The following UMAD1 variants were observed in gnomAD, a reference collection of about 807,000 sequenced individuals.
UMAD1 encodes the protein UBAP1-MVB12-associated (UMA) domain containing 1.
A neutral mutation model predicts 6.1 loss-of-function variants in UMAD1; 8 were observed. That is an observed-to-expected ratio of 1.30 (90% CI 0.76 to 2.35). UMAD1 has a LOEUF of 2.35. Among genes scored for constraint, UMAD1 ranks in the 30% most tolerant of loss-of-function variants. The pLI, the probability that UMAD1 is intolerant of heterozygous loss-of-function variation, is 0.00. For synonymous variants in UMAD1, 56 were observed against 31.4 expected, an observed-to-expected ratio of 1.78 and a Z score of -2.61; for missense variants, 130 against 78.4, an observed-to-expected ratio of 1.66 and a Z score of -2.49.
intron 2 of UMAD1, among the ~76,000 whole-genome samples, chr7:7,783,194 T>C (rs1583821700): frequency 6.6e-6 from 1 of 152,358 alleles, no homozygotes; most frequent in South Asian, 2.1e-4. Context: ...ACCCATCTTG[T>C]CTAAGTTTGT....
chr7:7,645,330 TTC>T (rs1298536853), intron 1 of UMAD1, among the ~76,000 whole-genome samples: 1 of 152,222 alleles, frequency 6.6e-6, no homozygotes, highest in Non-Finnish European at 1.5e-5. Context: ...CAAACGCTTA[TTC>T]TCACATGTGA....
At chr7:7,643,426 C>G (rs1785019822) in intron 1 of UMAD1, among the ~76,000 whole-genome samples, 1 of 152,158 alleles carries the variant, frequency 6.6e-6, no homozygotes, top group South Asian at 2.1e-4. Context: ...GTCCTAGGAT[C>G]AGGGCCGGGC....
intron 2 of UMAD1, among the ~76,000 whole-genome samples, chr7:7,675,400 C>T (rs1307741924): frequency 6.6e-6 from 1 of 152,146 alleles, no homozygotes; most frequent in Non-Finnish European, 1.5e-5. Context: ...AAGATCTCCT[C>T]CAATTTCTGG....
chr7:7,865,101 G>C lies in UMAD1; in HGVS notation c.157-12180G>C, dbSNP rs191295897. On this transcript the variant is annotated intron_variant, in intron 3 of 3. Transcript: ENST00000682710. Reference sequence around the variant, plus strand: ...GGGTATCCTCTGTAATAAGCCAATAGTGTGAAGAAAATTGTTTTTCTGGGT... The same window carrying C: ...GGGTATCCTCTGTAATAAGCCAATACTGTGAAGAAAATTGTTTTTCTGGGT... Among the ~76,000 whole-genome samples, 170 of 152,302 alleles carry C rather than the reference G, an allele frequency of 1.1e-3. 3 individuals are homozygous for C. Among genetic ancestry groups the C allele is most frequent in the Non-Finnish European group, 1.8e-4 (12 of 68,024 alleles).
At chr7:7,647,630 C>A (rs1785125794) in intron 1 of UMAD1, among the ~76,000 whole-genome samples, 1 of 152,154 alleles carries the variant, frequency 6.6e-6, no homozygotes, top group African/African-American at 2.4e-5. Context: ...CTTTAAGAGA[C>A]AGGGTCTTCC....
chr7:7,678,409 T>TA, intron 2 of UMAD1, among the ~76,000 whole-genome samples: 1 of 145,126 alleles, frequency 6.9e-6, no homozygotes, highest in Non-Finnish European at 1.5e-5. Context: ...TTCAGATATA[T>TA]AAAAAAATAT....
At position 7,852,473 on chromosome 7, in the gene UMAD1, C is replaced by T. The variant is rs112175210; in HGVS notation, c.157-24808C>T. ...CAGTCACAAGTCCAGGCCCCTGGAT[C>T]TTCTGACAGACCAGCTTTAAGTTGG... On this transcript the variant is annotated intron_variant, in intron 3 of 3. Transcript: ENST00000682710. Among the ~76,000 whole-genome samples, 7 of 152,304 alleles carry T rather than the reference C, an allele frequency of 4.6e-5. 1 individual carries two copies. Among genetic ancestry groups the T allele is most frequent in the African/African-American group, 1.7e-4 (7 of 41,568 alleles).
At chr7:7,739,394 C>T (rs929193472) in intron 2 of UMAD1, among the ~76,000 whole-genome samples, 12 of 152,182 alleles carry the variant, frequency 7.9e-5, no homozygotes, top group African/African-American at 2.9e-4. Context: ...AACACCTGCT[C>T]TTTTCATGGT....
intron 2 of UMAD1, among the ~76,000 whole-genome samples, chr7:7,796,396 C>T (rs1029806134): frequency 2.1e-4 from 32 of 151,604 alleles, no homozygotes; most frequent in African/African-American, 7.5e-4. Flanking sequence ...GGATTACAGG[C>T]GTGCCCTACC....
chr7:7,784,243 G>A (rs1782410096), intron 2 of UMAD1, among the ~76,000 whole-genome samples: 1 of 151,748 alleles, frequency 6.6e-6, no homozygotes. Flanking sequence ...TAAAGTTATT[G>A]GAAAGAGCTT....
intron 3 of UMAD1, among the ~76,000 whole-genome samples, chr7:7,860,639 G>A (rs1784098184): frequency 6.8e-6 from 1 of 147,894 alleles, no homozygotes; most frequent in Admixed American, 6.9e-5. Context: ...AGCAGGCATG[G>A]TGGCGGGCAC....
intron 3 of UMAD1, among the ~76,000 whole-genome samples, chr7:7,842,619 A>T (rs11981244): frequency 0.085 from 12,485 of 146,866 alleles, 1,303 homozygotes; most frequent in African/African-American, 0.27. Context: ...CCTTTTTTTA[A>T]AAAAAAAAAA....
rs554819502 is a variant in UMAD1 at position 7,850,412 on chromosome 7, A to G, written c.157-26869A>G. On this transcript the variant is annotated intron_variant, in intron 3 of 3. Transcript: ENST00000682710. ...CTCTTTCTCAATTCAGAAATTTTGC[A>G]TCGTTCCTTTTTCTCCTTGAACTCA... is the stretch of plus-strand genomic sequence containing the variant. Among the ~76,000 whole-genome samples, 4 of 152,248 alleles carry G rather than the reference A, an allele frequency of 2.6e-5. No homozygotes were observed. The South Asian group carries it at 8.3e-4, about 32-fold the overall frequency.
chr7:7,719,551 A>C (rs1321069288), intron 2 of UMAD1, among the ~76,000 whole-genome samples: 1 of 152,224 alleles, frequency 6.6e-6, no homozygotes, highest in Non-Finnish European at 1.5e-5. Context: ...CACAGTCAAC[A>C]GTAGAGTCTC....
chr7:7,732,484 T>G (rs1781277655), intron 2 of UMAD1, among the ~76,000 whole-genome samples: 1 of 152,196 alleles, frequency 6.6e-6, no homozygotes, highest in South Asian at 2.1e-4. Context: ...TAATCTTTGT[T>G]GTATTTATGA....
At chr7:7,839,495 T>G (rs1198120380) in intron 3 of UMAD1, among the ~76,000 whole-genome samples, 1 of 152,158 alleles carries the variant, frequency 6.6e-6, no homozygotes, top group South Asian at 2.1e-4. Context: ...GATGAACACT[T>G]TTTTTTGAGC....
intron 2 of UMAD1, among the ~76,000 whole-genome samples, chr7:7,724,143 C>G (rs1473327928): frequency 1.3e-5 from 2 of 152,114 alleles, no homozygotes; most frequent in Non-Finnish European, 2.9e-5. Context: ...GACCTCCAGC[C>G]TTTTATCAGG....
At chr7:7,711,302 A>T (rs1467866200) in intron 2 of UMAD1, among the ~76,000 whole-genome samples, 3 of 152,212 alleles carry the variant, frequency 2.0e-5, no homozygotes, top group African/African-American at 7.2e-5. Context: ...TGTTACAAAC[A>T]TCCTTGTACA....
chr7:7,856,076 A>G (rs1438619692), intron 3 of UMAD1, among the ~76,000 whole-genome samples: 1 of 152,234 alleles, frequency 6.6e-6, no homozygotes, highest in Non-Finnish European at 1.5e-5. Flanking sequence ...ACAAGTCTCT[A>G]GGAAGTTCCA....
Sources: gnomAD v4.1 joint callset for allele counts (sites outside exome capture counted in the v4.1 genomes callset) on GRCh38, gnomAD v4.1.1 for gene constraint, MANE v1.5 for transcripts, NCBI Gene and HGNC (gene_info 2026-07-23, HGNC 2026-07-21) for gene names.